TLN2: variants seen among roughly 807,000 people sequenced by gnomAD.
TLN2 encodes talin 2, also known as talin-2.
In TLN2, 118 loss-of-function variants were observed where a neutral mutation model predicts 294.7. That is an observed-to-expected ratio of 0.40 (90% CI 0.34 to 0.47). The LOEUF is 0.47. Ranked by LOEUF, TLN2 falls within the 20% of genes least tolerant of loss-of-function variation. TLN2 has a pLI of 0.84. For missense variants in TLN2, 3,083 were observed against 3,282.2 expected (o/e 0.94, Z 1.48); for synonymous variants, 1,431 against 1,304.5 (o/e 1.10, Z -2.09).
intron 1 of TLN2, among the ~76,000 whole-genome samples, chr15:62,442,469 G>T (rs1374261571): frequency 6.8e-6 from 1 of 147,276 alleles, no homozygotes; most frequent in Non-Finnish European, 1.5e-5. Flanking sequence ...ACTCCAGCTG[G>T]GGCACAGAGT....
At chr15:62,683,310 A>G (rs1463209111) in intron 11 of TLN2, among the ~76,000 whole-genome samples, 1 of 152,242 alleles carries the variant, frequency 6.6e-6, no homozygotes, top group Non-Finnish European at 1.5e-5. Flanking sequence ...GCCTGCAGAC[A>G]GCAGTCTTGA....
chr15:62,704,487 A>G (rs749947353), intron 19 of TLN2, among the ~76,000 whole-genome samples: 1 of 152,246 alleles, frequency 6.6e-6, no homozygotes, highest in Non-Finnish European at 1.5e-5. Flanking sequence ...AGATGGGATC[A>G]TGTATGTTGT....
chr15:62,568,265 G>A (rs983849998), intron 1 of TLN2, among the ~76,000 whole-genome samples: 1 of 152,084 alleles, frequency 6.6e-6, no homozygotes, highest in Non-Finnish European at 1.5e-5. Context: ...GCGAGGTAGA[G>A]TGGAGCCCGA....
intron 28 of TLN2, among the ~76,000 whole-genome samples, chr15:62,732,102 A>G (rs2140945118): frequency 6.6e-6 from 1 of 152,332 alleles, no homozygotes; most frequent in Non-Finnish European, 1.5e-5. Flanking sequence ...TTCTAGGAGG[A>G]GGAAAGGTAT....
At chr15:62,575,662 G>A (rs531520950) in intron 1 of TLN2, among the ~76,000 whole-genome samples, 1 of 152,020 alleles carries the variant, frequency 6.6e-6, no homozygotes, top group Non-Finnish European at 1.5e-5. Context: ...CTTCTTCTCA[G>A]AAGACCATTC....
intron 33 of TLN2, among the ~76,000 whole-genome samples, chr15:62,749,768 A>G (rs528479652): frequency 1.3e-5 from 2 of 152,370 alleles, no homozygotes; most frequent in South Asian, 2.1e-4. Context: ...CAAGTTCATT[A>G]CAATGCCATG....
At chr15:62,404,630 G>T (rs983041613) in intron 1 of TLN2, among the ~76,000 whole-genome samples, 1 of 152,218 alleles carries the variant, frequency 6.6e-6, no homozygotes, top group East Asian at 1.9e-4. Flanking sequence ...ACTTGGCACC[G>T]CACCTAGGTC....
intron 1 of TLN2, among the ~76,000 whole-genome samples, chr15:62,500,144 C>G (rs945429151): frequency 6.6e-6 from 1 of 151,782 alleles, no homozygotes; most frequent in Non-Finnish European, 1.5e-5. Flanking sequence ...CACGACCAGC[C>G]TCGCCAACAC....
chr15:62,532,048 C>CT (rs1157547940), intron 1 of TLN2, among the ~76,000 whole-genome samples: 4 of 126,228 alleles, frequency 3.2e-5, no homozygotes, highest in African/African-American at 1.1e-4. Context: ...TTCTTTTTCT[C>CT]TTTTCTTTTT....
chr15:62,475,218 T>C lies in TLN2; in HGVS notation c.-238+84533T>C, dbSNP rs534114690. ...TGGTAATTTAAATTTATAATGACTTTCATTTCTTCAAGTTAAGAAAATAAA... is the reference window on the plus strand; with the variant it reads ...TGGTAATTTAAATTTATAATGACTTCCATTTCTTCAAGTTAAGAAAATAAA... On this transcript the variant is annotated intron_variant, in intron 1 of 58. Coordinates refer to ENST00000636159, the MANE Select transcript of TLN2 (RefSeq NM_015059.3). 7.2e-5 allele frequency among the ~76,000 whole-genome samples: 11 copies of C among 152,326 alleles called. No individual in the cohort carries two copies. The South Asian group carries it at 2.3e-3, about 32-fold the overall frequency.
chr15:62,761,957 T>G, intron 38 of TLN2, 136 bp downstream of exon 38: 1 of 1,197,368 alleles, frequency 8.4e-7, no homozygotes, highest in Non-Finnish European at 1.2e-6. Flanking sequence ...AATGATGGCA[T>G]GTGCACAGTT....
intron 1 of TLN2, among the ~76,000 whole-genome samples, chr15:62,527,177 G>A (rs2040787810): frequency 1.3e-5 from 2 of 152,140 alleles, no homozygotes; most frequent in South Asian, 2.1e-4. Context: ...TTGGAGACAC[G>A]GTGTCGGGTG....
At chr15:62,758,138 G>A (rs144320757) in intron 37 of TLN2, among the ~76,000 whole-genome samples, 1 of 152,208 alleles carries the variant, frequency 6.6e-6, no homozygotes, top group East Asian at 1.9e-4. Flanking sequence ...AATCCCAGCT[G>A]CCACACCCTT....
At chr15:62,769,138 A>G (rs545821278) in intron 41 of TLN2, among the ~76,000 whole-genome samples, 27 of 152,374 alleles carry the variant, frequency 1.8e-4, no homozygotes, top group African/African-American at 6.3e-4. Flanking sequence ...TTGATGAAAC[A>G]TACTTTGAAA....
At chr15:62,519,919 AAG>A (rs2040374358) in intron 1 of TLN2, among the ~76,000 whole-genome samples, 1 of 152,234 alleles carries the variant, frequency 6.6e-6, no homozygotes, top group Non-Finnish European at 1.5e-5. Context: ...TACAAAGAAA[AAG>A]AGGTTTAGTG....
intron 12 of TLN2, among the ~76,000 whole-genome samples, chr15:62,689,869 T>C (rs892610394): frequency 2.5e-5 from 2 of 81,128 alleles, no homozygotes; most frequent in Non-Finnish European, 5.3e-5. Context: ...TTTTTTTTTT[T>C]TTTTTTTTAT....
Position 62,708,649 on chromosome 15 carries a change from G to A in TLN2, c.2320G>A (p.Ala774Thr), listed in dbSNP as rs780971459. Residue 774 changes from alanine to threonine, a missense_variant, in exon 21 of 59, where the codon GCC becomes ACC. By Grantham distance (58) the Ala-to-Thr change is moderately conservative. Coordinates refer to ENST00000636159, the MANE Select transcript of TLN2 (RefSeq NM_015059.3). ...SELLKQVSAA[A>T]SVVSQALHDL... ...GCTCCTGAAGCAGGTCAGCGCAGCG[G>A]CCAGCGTGGTCAGCCAGGCCCTCCA... 35 of 1,614,086 alleles carry A rather than the reference G, an allele frequency of 2.2e-5. No homozygotes were observed. The highest frequency in any genetic ancestry group is 4.4e-5 in the South Asian group (4 of 91,094).
intron 1 of TLN2, among the ~76,000 whole-genome samples, chr15:62,574,957 A>G (rs897644651): frequency 2.0e-5 from 3 of 152,146 alleles, no homozygotes; most frequent in African/African-American, 7.2e-5. Context: ...GATTGCCAAA[A>G]AAAATGGAGA....
At chr15:62,408,398 A>G (rs189460979) in intron 1 of TLN2, among the ~76,000 whole-genome samples, 18 of 152,336 alleles carry the variant, frequency 1.2e-4, no homozygotes, top group Admixed American at 1.2e-3. Context: ...TCTTTTAGCA[A>G]GTCTAAGATG....
Sources: gnomAD v4.1 joint callset for allele counts (sites outside exome capture counted in the v4.1 genomes callset) on GRCh38, gnomAD v4.1.1 for gene constraint, MANE v1.5 for transcripts, NCBI Gene and HGNC (gene_info 2026-07-23, HGNC 2026-07-21) for gene names.